RPTOR: variants seen among roughly 807,000 people sequenced by gnomAD.
RPTOR encodes regulatory-associated protein of mTOR.
In RPTOR, 21 loss-of-function variants were observed where a neutral mutation model predicts 169.9. The ratio of observed to expected loss-of-function variants is 0.12; its 90% confidence interval spans 0.09 to 0.18. RPTOR has a LOEUF of 0.18. RPTOR is among the 10% of genes least tolerant of loss of function. The probability of loss-of-function intolerance (pLI) is 1.00; values close to 1 mark genes in which losing one functional copy is unlikely to be tolerated. For synonymous variants in RPTOR, 732 were observed against 753.2 expected (o/e 0.97, Z 0.46); for missense variants, 1,133 against 1,855.9 (o/e 0.61, Z 7.16).
intron 3 of RPTOR, among the ~76,000 whole-genome samples, chr17:80,669,001 CCA>C (rs2065801847): frequency 1.3e-5 from 2 of 152,164 alleles, no homozygotes; most frequent in Admixed American, 1.3e-4. Context: ...GCTTCTCACA[CCA>C]CAGAGGCTGG....
intron 7 of RPTOR, among the ~76,000 whole-genome samples, chr17:80,798,337 C>T (rs2067121464): frequency 6.6e-6 from 1 of 152,338 alleles, no homozygotes; most frequent in South Asian, 2.1e-4. Flanking sequence ...GGCACCCATG[C>T]GTCACAGCAT....
At chr17:80,930,828 C>T (rs2068888821) in intron 24 of RPTOR, among the ~76,000 whole-genome samples, 1 of 152,224 alleles carries the variant, frequency 6.6e-6, no homozygotes, top group South Asian at 2.1e-4. Flanking sequence ...ACAGCTTCCT[C>T]CCACAGCTGG....
intron 5 of RPTOR, among the ~76,000 whole-genome samples, chr17:80,733,288 A>G (rs970660977): frequency 6.6e-6 from 1 of 152,228 alleles, no homozygotes; most frequent in Admixed American, 6.5e-5. Context: ...TTATTGTGTC[A>G]TATTTCTTTG....
chr17:80,822,056 C>T, intron 7 of RPTOR, 145 bp from the exon 8 acceptor site: 1 of 718,364 alleles, frequency 1.4e-6, no homozygotes, highest in South Asian at 1.5e-5. Context: ...TTGATTCTCC[C>T]TGCCGTGCGC....
chr17:80,665,391 TCC>T (rs1567846047), intron 3 of RPTOR, among the ~76,000 whole-genome samples: 3,131 of 10,552 alleles, frequency 0.3, 260 homozygotes, highest in East Asian at 0.45. Flanking sequence ...TCCTTTCCTT[TCC>T]TTTCCTTTCC....
At chr17:80,831,719 C>T (rs1453746576) in intron 9 of RPTOR, among the ~76,000 whole-genome samples, 1 of 152,104 alleles carries the variant, frequency 6.6e-6, no homozygotes, top group Non-Finnish European at 1.5e-5. Context: ...CTGTGTATCC[C>T]TGTGTGTCAC....
chr17:80,590,434 C>T (rs185627789), intron 1 of RPTOR, among the ~76,000 whole-genome samples: 44 of 145,800 alleles, frequency 3.0e-4, no homozygotes, highest in Middle Eastern at 9.0e-3. Context: ...CACACAGTGT[C>T]TTTAATGGTT....
intron 9 of RPTOR, among the ~76,000 whole-genome samples, chr17:80,837,661 GAAAA>G (rs924684590): frequency 6.6e-6 from 1 of 152,180 alleles, no homozygotes; most frequent in Non-Finnish European, 1.5e-5. Context: ...ATTTTAAAGA[GAAAA>G]AATGTGACAA....
At position 80,965,297 on chromosome 17, in the gene RPTOR, G is replaced by A. The variant is rs1270631591; in HGVS notation, c.*967G>A. ...GCAGGCGGCGTGGTCTCCCTGCTCTGTCCCCACACGTTCCTCACATACAGG... is the reference window on the plus strand; with the variant it reads ...GCAGGCGGCGTGGTCTCCCTGCTCTATCCCCACACGTTCCTCACATACAGG... On this transcript the variant is annotated 3_prime_UTR_variant, in exon 34 of 34. Transcript: ENST00000306801. 4 of 233,268 alleles carry A rather than the reference G, an allele frequency of 1.7e-5. No homozygotes were observed. In the Admixed American group the frequency reaches 2.2e-4, roughly 13 times the overall value. The allele number at this position is 233,268 out of a possible 1,614,324, so 14.4% of individuals were successfully genotyped here.
chr17:80,911,291 C>T (rs2068610540), intron 21 of RPTOR, among the ~76,000 whole-genome samples: 2 of 152,226 alleles, frequency 1.3e-5, no homozygotes, highest in African/African-American at 4.8e-5. Flanking sequence ...TCCTTCGTCA[C>T]CGTGTGGTGT....
chr17:80,708,131 G>A lies in RPTOR; in HGVS notation c.507+132G>A. The A allele has an allele frequency of 1.1e-6, 1 of 891,378 alleles. No individual in the cohort carries two copies. Among genetic ancestry groups the A allele is most frequent in the Admixed American group, 2.8e-5 (1 of 36,220 alleles). 55.2% of individuals were successfully genotyped at this position (891,378 alleles called of 1,614,324 possible). Reference sequence around the variant, plus strand: ...TTACTGTGTTTCAACAAACCCAAATGCCATAACTGAACGGACCAGGTAGTC... The same window carrying A: ...TTACTGTGTTTCAACAAACCCAAATACCATAACTGAACGGACCAGGTAGTC... On this transcript the variant is annotated intron_variant, in intron 4 of 33. Coordinates refer to ENST00000306801, the MANE Select transcript of RPTOR (RefSeq NM_020761.3). This position sits in a 1 kb window ranked among gnomAD's most constrained non-coding sequence, Gnocchi z 4.2.
chr17:80,963,478 C>CCGAGT (rs1480121076), intron 33 of RPTOR, among the ~76,000 whole-genome samples: 1 of 43,746 alleles, frequency 2.3e-5, no homozygotes, highest in Admixed American at 2.1e-4. Flanking sequence ...CCCTGTGCGG[C>CCGAGT]CCTCACCCCG....
chr17:80,770,877 G>T (rs950683718), intron 6 of RPTOR, among the ~76,000 whole-genome samples: 1 of 152,182 alleles, frequency 6.6e-6, no homozygotes, highest in Admixed American at 6.5e-5. Context: ...CTTAAATCGG[G>T]CATCTTCCCC....
rs557327839 is a variant in RPTOR at position 80,676,487 on chromosome 17, C to T, written c.349-31354C>T. ...ACCTCTGGACATCAGCGCTGTGGGT[C>T]GTCTTGGAATTGACACTTGAGGGCA... On this transcript the variant is annotated intron_variant, in intron 3 of 33. Coordinates refer to ENST00000306801, the MANE Select transcript of RPTOR (RefSeq NM_020761.3). Among the ~76,000 whole-genome samples, 13 of 152,254 alleles carry T rather than the reference C, an allele frequency of 8.5e-5. No homozygotes were observed. In the South Asian group the frequency reaches 2.3e-3, roughly 27 times the overall value.
chr17:80,889,972 TACACAGCAGGATGTGCGGCCTCC>T (rs2068298709), intron 17 of RPTOR, among the ~76,000 whole-genome samples: 1 of 95,288 alleles, frequency 1.0e-5, no homozygotes, highest in African/African-American at 3.2e-5. Flanking sequence ...GAGGCCCCCG[TACACAGCAGGATGTGCGGCCTCC>T]GAGGGAGGCC....
intron 6 of RPTOR, among the ~76,000 whole-genome samples, chr17:80,782,255 G>A (rs553667750): frequency 5.3e-5 from 8 of 152,238 alleles, no homozygotes; most frequent in Non-Finnish European, 1.0e-4. Flanking sequence ...ACTCTGGGAT[G>A]TAGGGGAAGG....
chr17:80,685,410 G>C (rs750118350), intron 3 of RPTOR, among the ~76,000 whole-genome samples: 4 of 151,118 alleles, frequency 2.6e-5, no homozygotes, highest in Non-Finnish European at 5.9e-5. Context: ...TGAGTAGCTG[G>C]GACTACGGCC....
At chr17:80,883,393 G>C in intron 14 of RPTOR, 26 bp from the exon 15 acceptor site, 2 of 1,612,236 alleles carry the variant, frequency 1.2e-6, no homozygotes, top group Non-Finnish European at 8.5e-7. Context: ...GAGGGGAGAC[G>C]ACCAGGACTG....
At chr17:80,862,018 G>A (rs1269553908) in intron 13 of RPTOR, among the ~76,000 whole-genome samples, 7 of 152,166 alleles carry the variant, frequency 4.6e-5, no homozygotes, top group Non-Finnish European at 8.8e-5. Context: ...GCAGAACGTG[G>A]CCATGAGCAC....
Sources: gnomAD v4.1 joint callset for allele counts (sites outside exome capture counted in the v4.1 genomes callset) on GRCh38, gnomAD v4.1.1 for gene constraint, Gnocchi (gnomAD v3.1) non-coding constraint, MANE v1.5 for transcripts, NCBI Gene and HGNC (gene_info 2026-07-23, HGNC 2026-07-21) for gene names.